Variants in PRL observed in about 807,000 individuals in gnomAD.
PRL encodes the protein decidual prolactin.
Under a neutral mutation model 21.3 loss-of-function variants are expected in PRL, and 24 were observed. The observed-to-expected ratio is 1.13, with a 90% CI of 0.82 to 1.59. PRL has a LOEUF of 1.59. Ranked by LOEUF, PRL falls within the 40% of genes most tolerant of loss-of-function variation. The pLI, the probability that PRL is intolerant of heterozygous loss-of-function variation, is 0.00. For missense variants in PRL, 243 were observed against 286.9 expected, an observed-to-expected ratio of 0.85 and a Z score of 1.10; for synonymous variants, 118 against 115.7, an observed-to-expected ratio of 1.02 and a Z score of -0.13.
intron 3 of PRL, among the ~76,000 whole-genome samples, chr6:22,292,225 T>C (rs849884): frequency 0.96 from 146,878 of 152,276 alleles, 70,874 homozygotes; most frequent in East Asian, 1. Context: ...GTATATTTAC[T>C]CACAGAAGTC....
upstream of PRL, among the ~76,000 whole-genome samples, chr6:22,299,267 AGAGCTTGT>A (rs760734705): frequency 1.5e-4 from 23 of 152,186 alleles, no homozygotes; most frequent in Non-Finnish European, 2.9e-4. Flanking sequence ...TTTTGGTCTG[AGAGCTTGT>A]GATGCAACTG....
At chr6:22,300,319 C>T (rs1015906421), upstream of PRL, among the ~76,000 whole-genome samples, 44 of 152,204 alleles carry the variant, frequency 2.9e-4, no homozygotes, top group African/African-American at 9.9e-4. Flanking sequence ...AAACAAACTG[C>T]AACCTAAATT....
At chr6:22,299,170 T>G (rs796228066), upstream of PRL, among the ~76,000 whole-genome samples, 6 of 152,388 alleles carry the variant, frequency 3.9e-5, no homozygotes, top group African/African-American at 1.4e-4. Context: ...TTTATCAAAC[T>G]GTGCCCTTAA....
At chr6:22,290,493 G>A in intron 3 of PRL, 140 bp from the exon 4 acceptor site, 8 of 642,492 alleles carry the variant, frequency 1.2e-5, no homozygotes, top group Non-Finnish European at 1.8e-5. Flanking sequence ...TTAGGTGAGA[G>A]AATTTGTAGA....
chr6:22,300,516 G>C (rs1415481082), upstream of PRL, among the ~76,000 whole-genome samples: 3 of 152,216 alleles, frequency 2.0e-5, no homozygotes, highest in Non-Finnish European at 4.4e-5. Context: ...ACTTTGCAGA[G>C]TGGAGCTCTC....
In PRL at chr6:22,290,231, T is replaced by G; in HGVS notation, c.435A>C (p.Val145=). Residue 145 remains valine (V), a synonymous_variant, in exon 4 of 5, where the codon GTA becomes GTC. Coordinates refer to ENST00000306482, the MANE Select transcript of PRL (RefSeq NM_000948.6). ...EAPEAILSKA[V]EIEEQTKRLL... ...GCCGTTTGGTTTGCTCCTCAATCTCTACAGCTTTGGATAGGATAGCCTCCG... is the reference window on the plus strand; with the variant it reads ...GCCGTTTGGTTTGCTCCTCAATCTCGACAGCTTTGGATAGGATAGCCTCCG... 1 of 1,612,014 alleles carries G rather than the reference T, an allele frequency of 6.2e-7. No homozygotes were observed. The highest frequency in any genetic ancestry group is 8.5e-7 in the Non-Finnish European group (1 of 1,178,424).
chr6:22,296,992 C>T lies in PRL; in HGVS notation c.-10G>A, dbSNP rs41271759. ...ATCCTTTGATGTTCATGTTCGTGAT[C>T]GTTGCAGGAAACACACTTCACCAGA... On this transcript the variant is annotated 5_prime_UTR_variant, in exon 1 of 5. Coordinates refer to ENST00000306482, the MANE Select transcript of PRL (RefSeq NM_000948.6). 5 of 1,613,914 alleles carry T rather than the reference C, an allele frequency of 3.1e-6. No individual in the cohort carries two copies. The highest frequency in any genetic ancestry group is 4.2e-6 in the Non-Finnish European group (5 of 1,179,900).
At chr6:22,295,091 G>T (rs1250920811) in intron 1 of PRL, among the ~76,000 whole-genome samples, 2 of 152,132 alleles carry the variant, frequency 1.3e-5, no homozygotes, top group African/African-American at 4.8e-5. Flanking sequence ...TTGTTTGATT[G>T]CTAATACTGA....
chr6:22,290,049 T>A (rs1761012306), intron 4 of PRL, 125 bp downstream of exon 4: 2 of 873,162 alleles, frequency 2.3e-6, no homozygotes, highest in African/African-American at 1.7e-5. Flanking sequence ...GCTCTTGCTT[T>A]ATTTAATAGC....
At chr6:22,301,436 A>C (rs1761279930), upstream of PRL, among the ~76,000 whole-genome samples, 1 of 152,098 alleles carries the variant, frequency 6.6e-6, no homozygotes, top group Admixed American at 6.6e-5. Flanking sequence ...CATAGTGGTG[A>C]GACTGTAGGG....
intron 3 of PRL, among the ~76,000 whole-genome samples, chr6:22,291,216 T>C (rs1761042026): frequency 6.6e-6 from 1 of 151,960 alleles, no homozygotes; most frequent in African/African-American, 2.4e-5. Context: ...TGTAAGAGGA[T>C]ATGAAAGAAA....
At chr6:22,292,446 A>G in intron 3 of PRL, 92 bp downstream of exon 3, 3 of 1,187,842 alleles carry the variant, frequency 2.5e-6, no homozygotes, top group African/African-American at 1.5e-5. Context: ...CTGCATGTAC[A>G]ATTACCACTA....
rs773591898 is a variant in PRL, at chr6:22,296,986, C to T, written c.-4G>A. 1.2e-5 allele frequency: 20 copies of T among 1,613,826 alleles called. No homozygotes were observed. Among genetic ancestry groups the T allele is most frequent in the African/African-American group, 8.0e-5 (6 of 74,922 alleles). ...ATGGCGATCCTTTGATGTTCATGTT[C>T]GTGATCGTTGCAGGAAACACACTTC... On this transcript the variant is annotated 5_prime_UTR_variant, in exon 1 of 5. Coordinates refer to ENST00000306482, the MANE Select transcript of PRL (RefSeq NM_000948.6).
rs997755158 is a variant in PRL at position 22,288,714 on chromosome 6, C to T, written c.493-1121G>A. The stretch of plus-strand genomic sequence containing the variant: ...AGGAAAGCCCAGAGGTCTTAGAGAC[C>T]AAGTAACCATTTTAGCAACTTTAGG... On this transcript the variant is annotated intron_variant, in intron 4 of 4. Transcript: ENST00000306482. This position sits in a 1 kb window ranked among gnomAD's most constrained non-coding sequence, Gnocchi z 4.5. Among the ~76,000 whole-genome samples, 3 of 152,082 alleles carry T rather than the reference C, an allele frequency of 2.0e-5. No individual in the cohort carries two copies. Among genetic ancestry groups the T allele is most frequent in the Non-Finnish European group, 4.4e-5 (3 of 68,008 alleles).
At chr6:22,295,264 T>C (rs2113513430) in intron 1 of PRL, among the ~76,000 whole-genome samples, 1 of 152,312 alleles carries the variant, frequency 6.6e-6, no homozygotes, top group Admixed American at 6.5e-5. Context: ...GTAATTATCA[T>C]CAAATTATAC....
upstream of PRL, among the ~76,000 whole-genome samples, chr6:22,301,627 A>G (rs1232902875): frequency 6.6e-6 from 1 of 152,226 alleles, no homozygotes; most frequent in African/African-American, 2.4e-5. Context: ...GAAAAGATTC[A>G]GACTGAAAAG....
At chr6:22,298,262 C>G (rs1462386130), upstream of PRL, among the ~76,000 whole-genome samples, 1 of 152,168 alleles carries the variant, frequency 6.6e-6, no homozygotes, top group African/African-American at 2.4e-5. Flanking sequence ...CTTTCATGGG[C>G]TTAAAAATTC....
At chr6:22,296,837 A>G (rs1432025296) in intron 1 of PRL, 118 bp downstream of exon 1, 1 of 1,111,598 alleles carries the variant, frequency 9.0e-7, no homozygotes, top group Non-Finnish European at 1.3e-6. Flanking sequence ...GAGGAAACAT[A>G]AGATTGTGCT....
chr6:22,301,750 T>G (rs1031217057), upstream of PRL, among the ~76,000 whole-genome samples: 4 of 152,236 alleles, frequency 2.6e-5, no homozygotes, highest in African/African-American at 9.6e-5. Context: ...GTGACATATC[T>G]GCTTAGTTTT....
Sources: allele counts gnomAD v4.1 joint callset (sites outside exome capture counted in the v4.1 genomes callset), GRCh38; gene constraint gnomAD v4.1.1; non-coding constraint Gnocchi (gnomAD v3.1); transcripts MANE v1.5; gene names NCBI Gene and HGNC (gene_info 2026-07-23, HGNC 2026-07-21).